The following ARHGEF4 variants were observed in gnomAD, a reference collection of about 807,000 sequenced individuals.
The protein encoded by ARHGEF4 is Rho guanine nucleotide exchange factor 4.
Under a neutral mutation model 162.0 loss-of-function variants are expected in ARHGEF4, and 119 were observed. The ratio of observed to expected loss-of-function variants is 0.73; its 90% CI spans 0.63 to 0.86. The LOEUF is 0.86. Among genes scored for constraint, ARHGEF4 ranks in the 40% least tolerant of loss-of-function variants. The pLI is 0.00. For synonymous variants in ARHGEF4, 1,014 were observed against 979.9 expected, an observed-to-expected ratio of 1.03 and a Z score of -0.65; for missense variants, 2,488 against 2,456.0, an observed-to-expected ratio of 1.01 and a Z score of -0.28.
intron 1 of ARHGEF4, among the ~76,000 whole-genome samples, chr2:130,853,339 C>T (rs925402056): frequency 2.0e-5 from 3 of 152,188 alleles, no homozygotes; most frequent in Admixed American, 2.0e-4. Context: ...TGGCTGGTCT[C>T]TGCCTTCTTT....
intron 5 of ARHGEF4, among the ~76,000 whole-genome samples, chr2:131,036,310 G>C (rs1228847715): frequency 6.6e-6 from 1 of 152,226 alleles, no homozygotes; most frequent in Non-Finnish European, 1.5e-5. Context: ...CTCTAAATTA[G>C]AGTACCTCCC....
chr2:130,974,739 A>G (rs1375328562), intron 4 of ARHGEF4, among the ~76,000 whole-genome samples: 1 of 151,956 alleles, frequency 6.6e-6, no homozygotes, highest in Non-Finnish European at 1.5e-5. Context: ...TGGGATTACA[A>G]GTGTGAGCTA....
At chr2:130,891,599 G>A (rs943318705) in intron 1 of ARHGEF4, among the ~76,000 whole-genome samples, 3 of 152,142 alleles carry the variant, frequency 2.0e-5, no homozygotes, top group Non-Finnish European at 2.9e-5. Context: ...AAGATCTGCC[G>A]GCAGGGCTGG....
At chr2:130,934,839 C>A (rs72994159) in intron 3 of ARHGEF4, among the ~76,000 whole-genome samples, 1 of 150,902 alleles carries the variant, frequency 6.6e-6, no homozygotes, top group Non-Finnish European at 1.5e-5. Context: ...CCACTGTACC[C>A]GGCCAAAGTT....
chr2:130,866,114 T>A (rs1044773014), intron 1 of ARHGEF4, among the ~76,000 whole-genome samples: 4 of 152,164 alleles, frequency 2.6e-5, no homozygotes, highest in Non-Finnish European at 4.4e-5. Context: ...CTCACACCTG[T>A]AATCCCAGTA....
chr2:130,992,454 C>A (rs1333495433), intron 4 of ARHGEF4, among the ~76,000 whole-genome samples: 1 of 152,028 alleles, frequency 6.6e-6, no homozygotes, highest in African/African-American at 2.4e-5. Context: ...CCGGGAGGAA[C>A]AAACAACTCC....
intron 5 of ARHGEF4, among the ~76,000 whole-genome samples, chr2:131,029,241 C>T (rs1392199259): frequency 6.6e-6 from 1 of 152,052 alleles, no homozygotes; most frequent in African/African-American, 2.4e-5. Flanking sequence ...CACCTGTAAT[C>T]CCAGCTACTC....
At chr2:130,949,019 C>G (rs1254399532) in intron 4 of ARHGEF4, among the ~76,000 whole-genome samples, 1 of 152,198 alleles carries the variant, frequency 6.6e-6, no homozygotes, top group African/African-American at 2.4e-5. Context: ...TCCCTGGAAT[C>G]TGTCATCATT....
intron 4 of ARHGEF4, among the ~76,000 whole-genome samples, chr2:130,985,509 G>T (rs1324731256): frequency 6.6e-6 from 1 of 152,090 alleles, no homozygotes; most frequent in Non-Finnish European, 1.5e-5. Flanking sequence ...ATACAGCAGG[G>T]AAGAAAAGTA....
chr2:130,883,174 G>T lies in ARHGEF4; in HGVS notation c.40-30812G>T, dbSNP rs115637088. 1.5e-3 allele frequency among the ~76,000 whole-genome samples: 233 copies of T among 152,218 alleles called. 7 individuals are homozygous for T. Among genetic ancestry groups the T allele is most frequent in the African/African-American group, 5.4e-3 (224 of 41,470 alleles). On this transcript the variant is annotated intron_variant, in intron 1 of 13. Transcript: ENST00000409359. ...TGACGGTACTCGGATGTAGTGGGCA[G>T]ACAGTGAGGATTTGTTGAACTGACT...
chr2:130,851,549 G>A (rs115260161), intron 1 of ARHGEF4, among the ~76,000 whole-genome samples: 2,793 of 152,362 alleles, frequency 0.018, 81 homozygotes, highest in African/African-American at 0.064. Flanking sequence ...CTGAGTGGGC[G>A]GCTGCACATG....
intron 4 of ARHGEF4, 192 bp downstream of exon 4, chr2:130,946,827 G>T: frequency 1.5e-6 from 1 of 684,524 alleles, no homozygotes; most frequent in Non-Finnish European, 2.2e-6. Context: ...TATTGGCTGG[G>T]CACAGTGGCT....
At chr2:130,977,587 T>C (rs1360899758) in intron 4 of ARHGEF4, among the ~76,000 whole-genome samples, 1 of 152,032 alleles carries the variant, frequency 6.6e-6, no homozygotes, top group Non-Finnish European at 1.5e-5. Context: ...GTATGTTGTG[T>C]ATGTGTGGTG....
At chr2:130,837,129 C>A in intron 1 of ARHGEF4, 137 bp downstream of exon 1, 1 of 797,960 alleles carries the variant, frequency 1.3e-6, no homozygotes, top group Non-Finnish European at 1.7e-6. Context: ...TCGTGGCTCC[C>A]CGCCGCTCCC....
chr2:131,020,778 C>A (rs946143930), intron 4 of ARHGEF4, among the ~76,000 whole-genome samples: 1 of 152,202 alleles, frequency 6.6e-6, no homozygotes, highest in African/African-American at 2.4e-5. Context: ...CTGACTTCCA[C>A]AATGGTTAAA....
intron 1 of ARHGEF4, among the ~76,000 whole-genome samples, chr2:130,866,724 C>T (rs1225436406): frequency 6.6e-6 from 1 of 152,144 alleles, no homozygotes; most frequent in Non-Finnish European, 1.5e-5. Context: ...GGGATAAATT[C>T]CACTTGGTCA....
chr2:130,950,691 C>G (rs1479534299), intron 4 of ARHGEF4, among the ~76,000 whole-genome samples: 1 of 143,308 alleles, frequency 7.0e-6, no homozygotes, highest in Non-Finnish European at 1.5e-5. Context: ...CTATTACCCC[C>G]CACCACCACC....
intron 1 of ARHGEF4, among the ~76,000 whole-genome samples, chr2:130,902,606 A>G (rs1352294673): frequency 6.6e-6 from 1 of 151,882 alleles, no homozygotes; most frequent in East Asian, 1.9e-4. Flanking sequence ...AAATGAAAGG[A>G]AAGAAAAGAA....
intron 1 of ARHGEF4, among the ~76,000 whole-genome samples, chr2:130,848,590 G>A (rs894431381): frequency 6.6e-6 from 1 of 152,194 alleles, no homozygotes. Context: ...CGGCAGGGAG[G>A]CTCCTGCTCT....
Sources: allele counts gnomAD v4.1 joint callset (sites outside exome capture counted in the v4.1 genomes callset), GRCh38; gene constraint gnomAD v4.1.1; transcripts MANE v1.5; gene names NCBI Gene and HGNC (gene_info 2026-07-23, HGNC 2026-07-21).